Variants in CCDC183 observed in about 807,000 individuals in gnomAD.
The protein encoded by CCDC183 is coiled-coil domain-containing protein 183.
Under a neutral mutation model 65.2 loss-of-function variants are expected in CCDC183, and 63 were observed. The observed-to-expected ratio is 0.97, with a 90% confidence interval of 0.79 to 1.19. CCDC183 has a LOEUF of 1.19. Ranked by LOEUF, CCDC183 falls within the 50% of genes most tolerant of loss-of-function variation. The probability of loss-of-function intolerance (pLI) is 0.00; values close to 1 mark genes in which losing one functional copy is unlikely to be tolerated. For synonymous variants in CCDC183, 323 were observed against 276.5 expected (o/e 1.17, Z -1.67); for missense variants, 769 against 689.3 (o/e 1.12, Z -1.30).
Position 136,799,218 on chromosome 9 carries a change from A to C in CCDC183, c.187A>C (p.Lys63Gln). The change falls in exon 2 of 14, where the codon AAG (lysine) becomes CAG (glutamine). Residue 63 changes from lysine to glutamine, a missense_variant. Transcript: ENST00000338005. ...CGGGGCCCAGGACTGGGCTTTGGCC[A>C]AGAAGGTACACAAACGCCGCCCCTC... ...RRGAQDWALA[K>Q]KYDQWTISKA... 6.2e-7 allele frequency: 1 copy of C among 1,601,972 alleles called. No homozygotes were observed. The highest frequency in any genetic ancestry group is 8.5e-7 in the Non-Finnish European group (1 of 1,174,766).
rs774632259 is a variant in CCDC183 at position 136,807,626 on chromosome 9, T to A, written c.1541T>A (p.Ile514Asn). ...AGCTACGTCCCTTCGCGCGCCGAGATCAAGAGGCAGGCGCAGCGGCTAATC... is the reference window on the plus strand; with the variant it reads ...AGCTACGTCCCTTCGCGCGCCGAGAACAAGAGGCAGGCGCAGCGGCTAATC... ...DHSYVPSRAEIKRQAQRLIEG... is the reference protein window; with the variant it reads ...DHSYVPSRAENKRQAQRLIEG... The change falls in exon 14 of 14, where the codon ATC (isoleucine) becomes AAC (asparagine). Residue 514 changes from isoleucine to asparagine, a missense_variant. By Grantham distance (149) the Ile-to-Asn change is moderately radical. Transcript: ENST00000338005. The A allele has an allele frequency of 2.5e-6, 4 of 1,604,774 alleles. No homozygotes were observed. In the African/African-American group the frequency reaches 5.4e-5, roughly 22 times the overall value.
intron 6 of CCDC183, among the ~76,000 whole-genome samples, chr9:136,803,484 C>T (rs139274198): frequency 1.2e-3 from 184 of 152,292 alleles, no homozygotes; most frequent in African/African-American, 3.9e-3. Context: ...CGGGCCAGGG[C>T]GGGGGTCACC....
intron 11 of CCDC183, 33 bp from the exon 12 acceptor site, chr9:136,806,724 G>GA (rs1468691143): frequency 8.7e-6 from 14 of 1,613,440 alleles, no homozygotes; most frequent in Admixed American, 1.7e-5. Flanking sequence ...GGCAGGGCCA[G>GA]AGGGGAGATG....
At chr9:136,799,389 AC>A (rs935963089) in intron 2 of CCDC183, 166 bp downstream of exon 2, 13 of 1,162,842 alleles carry the variant, frequency 1.1e-5, no homozygotes, top group Middle Eastern at 3.0e-4. Flanking sequence ...GGCTCCAGTC[AC>A]CCCAGCATCC....
At chr9:136,807,336 G>C in intron 13 of CCDC183, 1 of 658,698 alleles carries the variant, frequency 1.5e-6, no homozygotes, top group East Asian at 2.8e-5. Context: ...GCTGGAGCAG[G>C]GAGGAGCGCG....
chr9:136,803,141 C>T (rs13288974), intron 6 of CCDC183, among the ~76,000 whole-genome samples: 24 of 61,624 alleles, frequency 3.9e-4, no homozygotes, highest in Non-Finnish European at 5.1e-4. Flanking sequence ...GCTCAGGGCC[C>T]AGGGCTGGGG....
chr9:136,806,449 AC>A (rs1282344757), intron 10 of CCDC183, 54 bp from the exon 11 acceptor site: 1 of 1,607,098 alleles, frequency 6.2e-7, no homozygotes, highest in African/African-American at 1.3e-5. Context: ...TGGGTGGCCC[AC>A]CATGGCTCTC....
rs1440852595 is a variant in CCDC183, at chr9:136,806,755, A to C, written c.1279-2A>C. ...AGATGAGACCCTCCTCCCGGCCTAC[A>C]GAGAGAAGTGGTGCTCTCCAACACC... On this transcript the variant is annotated splice_acceptor_variant, in intron 11 of 13. Transcript: ENST00000338005. LOFTEE classifies it high-confidence loss of function. 1.2e-6 allele frequency: 2 copies of C among 1,613,522 alleles called. No individual in the cohort carries two copies. Among genetic ancestry groups the C allele is most frequent in the Non-Finnish European group, 1.7e-6 (2 of 1,180,016 alleles).
intron 8 of CCDC183, 96 bp from the exon 9 acceptor site, chr9:136,805,261 C>T: frequency 2.9e-6 from 3 of 1,024,838 alleles, no homozygotes; most frequent in South Asian, 1.5e-5. Flanking sequence ...GGTGGCCGCC[C>T]CAGCAGCTGG....
At chr9:136,796,585 TAAG>T (rs1847652634) in intron 1 of CCDC183, 118 bp downstream of exon 1, 11 of 739,850 alleles carry the variant, frequency 1.5e-5, no homozygotes, top group Middle Eastern at 3.7e-4. Context: ...AAGGAAGACA[TAAG>T]AAACTCCATT....
chr9:136,801,026 G>A (rs1383566740), intron 5 of CCDC183, among the ~76,000 whole-genome samples: 1 of 152,256 alleles, frequency 6.6e-6, no homozygotes, highest in Non-Finnish European at 1.5e-5. Context: ...GGAGAGCACA[G>A]GAGGTGCTAA....
At chr9:136,805,909 G>A (rs1288353355) in intron 9 of CCDC183, 169 bp from the exon 10 acceptor site, 9 of 613,132 alleles carry the variant, frequency 1.5e-5, no homozygotes, top group Admixed American at 6.0e-5. Flanking sequence ...TGGGAGGATC[G>A]CTTGAGTCTG....
chr9:136,800,322 C>G (rs1258683554), intron 4 of CCDC183, 67 bp from the exon 5 acceptor site: 2 of 1,503,036 alleles, frequency 1.3e-6, no homozygotes, highest in East Asian at 2.4e-5. Flanking sequence ...CCGGAGAAAA[C>G]CCAGCCCCGA....
Position 136,807,595 on chromosome 9 carries a change from G to A in CCDC183, c.1510G>A (p.Asp504Asn), listed in dbSNP as rs778587907. ...AGACACCTTCCAGTTCCCCGACATG[G>A]ACCACAGCTACGTCCCTTCGCGCGC... is the stretch of plus-strand genomic sequence containing the variant. ...MIDTFQFPDM[D>N]HSYVPSRAEI... The change falls in exon 14 of 14, where the codon GAC becomes AAC. Residue 504 changes from aspartate to asparagine, a missense_variant. Physicochemically the swap from Asp to Asn is conservative, Grantham distance 23. Transcript: ENST00000338005. 128 of 1,606,090 alleles carry A rather than the reference G, an allele frequency of 8.0e-5. No individual in the cohort carries two copies. Among genetic ancestry groups the A allele is most frequent in the Non-Finnish European group, 1.0e-4 (120 of 1,176,850 alleles).
At chr9:136,802,289 G>A (rs1197979475) in intron 5 of CCDC183, among the ~76,000 whole-genome samples, 1 of 152,204 alleles carries the variant, frequency 6.6e-6, no homozygotes, top group African/African-American at 2.4e-5. Flanking sequence ...CTGGTCAGAA[G>A]CTGCCTTGGC....
chr9:136,802,292 G>T (rs1847748059), intron 5 of CCDC183, among the ~76,000 whole-genome samples: 1 of 152,200 alleles, frequency 6.6e-6, no homozygotes. Flanking sequence ...GTCAGAAGCT[G>T]CCTTGGCCTT....
In CCDC183 at chr9:136,799,108, G is replaced by C. The variant is rs1249035414; in HGVS notation, c.77G>C (p.Cys26Ser). 1 of 1,613,248 alleles carries C rather than the reference G, an allele frequency of 6.2e-7. No homozygotes were observed. Among genetic ancestry groups the C allele is most frequent in the Non-Finnish European group, 8.5e-7 (1 of 1,179,794 alleles). The change falls in exon 2 of 14, where the codon TGT becomes TCT. Residue 26 changes from cysteine to serine, a missense_variant. By Grantham distance (112) the Cys-to-Ser change is moderately radical. Transcript: ENST00000338005. Reference protein sequence around the residue: ...LKTITQLQEQCRALQIQGVKE... With the variant: ...LKTITQLQEQSRALQIQGVKE... ...CCCCTCCACCTGCCCACAGAGCAGTGTCGGGCACTCCAGATCCAAGGGGTG... is the reference window on the plus strand; with the variant it reads ...CCCCTCCACCTGCCCACAGAGCAGTCTCGGGCACTCCAGATCCAAGGGGTG...
At position 136,806,144 on chromosome 9, in the gene CCDC183, T is replaced by A; in HGVS notation, c.1015T>A (p.Cys339Ser). 1 of 1,561,326 alleles carries A rather than the reference T, an allele frequency of 6.4e-7. No individual in the cohort carries two copies. The highest frequency in any genetic ancestry group is 1.4e-5 in the African/African-American group (1 of 73,592). The part of the protein sequence containing the change: ...EENLELQMED[C>S]EEWRVQLKAL... ...GAACCTGGAGCTGCAGATGGAGGAC[T>A]GTGAGGAGTGGCGGGTGCAGCTGAA... The change falls in exon 10 of 14, where the codon TGT becomes AGT. Residue 339 changes from cysteine to serine, a missense_variant. Cys to Ser is a moderately radical substitution (Grantham distance 112, BLOSUM62 -1). Coordinates refer to ENST00000338005, the MANE Select transcript of CCDC183 (RefSeq NM_001039374.5).
At chr9:136,797,217 G>A (rs1418500043) in intron 1 of CCDC183, among the ~76,000 whole-genome samples, 1 of 152,190 alleles carries the variant, frequency 6.6e-6, no homozygotes, top group African/African-American at 2.4e-5. Context: ...TCTGGGCATA[G>A]TACCTTTCCT....
Sources: gnomAD v4.1 joint callset for allele counts (sites outside exome capture counted in the v4.1 genomes callset) on GRCh38, gnomAD v4.1.1 for gene constraint, MANE v1.5 for transcripts, NCBI Gene and HGNC (gene_info 2026-07-23, HGNC 2026-07-21) for gene names.